NDRG1: variants seen among roughly 807,000 people sequenced by gnomAD.
The protein encoded by NDRG1 is N-myc downstream regulated 1, also known as protein NDRG1.
A neutral mutation model predicts 56.9 loss-of-function variants in NDRG1; 32 were observed. That is an observed-to-expected ratio of 0.56 (90% CI 0.42 to 0.76). The LOEUF is 0.76. Among genes scored for constraint, NDRG1 ranks in the 30% least tolerant of loss-of-function variants. NDRG1 has a pLI of 0.00. For missense variants in NDRG1, 507 were observed against 545.7 expected (o/e 0.93, Z 0.71); for synonymous variants, 211 against 204.1 (o/e 1.03, Z -0.29).
chr8:133,239,240 C>A, intron 15 of NDRG1, 121 bp from the exon 16 acceptor site: 1 of 1,457,862 alleles, frequency 6.9e-7, no homozygotes, highest in East Asian at 2.5e-5. Context: ...TTGATCCCTG[C>A]AGCCATCCAG....
intron 6 of NDRG1, among the ~76,000 whole-genome samples, 170 bp from the exon 7 acceptor site, chr8:133,258,596 C>T (rs907160019): frequency 7.2e-5 from 11 of 152,218 alleles, no homozygotes; most frequent in Admixed American, 2.0e-4. Context: ...TGGACAGAGA[C>T]CTCGACCTTG....
At chr8:133,250,597 G>A (rs1855962992) in intron 9 of NDRG1, 54 bp from the exon 10 acceptor site, 1 of 1,384,592 alleles carries the variant, frequency 7.2e-7, no homozygotes, top group Non-Finnish European at 1.0e-6. Flanking sequence ...CCCTGAGCTG[G>A]TCACTACTCT....
intron 1 of NDRG1, among the ~76,000 whole-genome samples, chr8:133,286,433 G>GA (rs1473982444): frequency 1.3e-5 from 2 of 152,222 alleles, no homozygotes; most frequent in African/African-American, 4.8e-5. Context: ...CTCCAGAACA[G>GA]AAAAGACAGA....
intron 2 of NDRG1, chr8:133,281,035 C>T (rs1197531295): frequency 6.6e-6 from 1 of 152,148 alleles, no homozygotes; most frequent in African/African-American, 2.4e-5. Flanking sequence ...GCAGTGGAGA[C>T]CTCTAAGCAT....
chr8:133,293,616 T>C (rs1239685036), intron 1 of NDRG1, among the ~76,000 whole-genome samples: 1 of 152,194 alleles, frequency 6.6e-6, no homozygotes, highest in African/African-American at 2.4e-5. Context: ...CCTGGCACTG[T>C]GGACACAGGG....
chr8:133,267,732 C>T lies in NDRG1; in HGVS notation c.100-3080G>A, dbSNP rs186252858. The stretch of plus-strand genomic sequence containing the variant: ...AGGGCAGGCGGTGTCCCCACCGCCA[C>T]GGACATCGGAGTTCAAATCCAAGTC... On this transcript the variant is annotated intron_variant, in intron 3 of 15. Transcript: ENST00000323851. 9.0e-3 allele frequency among the ~76,000 whole-genome samples: 1,368 copies of T among 152,280 alleles called. 18 individuals are homozygous for T. The highest frequency in any genetic ancestry group is 0.031 in the African/African-American group (1,284 of 41,558).
At chr8:133,246,899 T>A (rs1390527050) in intron 12 of NDRG1, among the ~76,000 whole-genome samples, 1 of 152,224 alleles carries the variant, frequency 6.6e-6, no homozygotes, top group East Asian at 1.9e-4. Flanking sequence ...AGTTTCCTCA[T>A]CAATAAAATG....
intron 5 of NDRG1, among the ~76,000 whole-genome samples, chr8:133,261,370 G>GTCTCAAAC (rs2130734112): frequency 6.6e-6 from 1 of 152,184 alleles, no homozygotes; most frequent in South Asian, 2.1e-4. Flanking sequence ...AACCTCGGTG[G>GTCTCAAAC]TCCGCCCACC....
intron 2 of NDRG1, 99 bp from the exon 3 acceptor site, chr8:133,280,366 T>C (rs1360508808): frequency 2.7e-6 from 3 of 1,105,222 alleles, no homozygotes; most frequent in Non-Finnish European, 4.1e-6. Context: ...AATCTGTACC[T>C]ACACTTCCTC....
chr8:133,286,355 C>G (rs1858113138), intron 1 of NDRG1, among the ~76,000 whole-genome samples: 1 of 152,218 alleles, frequency 6.6e-6, no homozygotes, highest in Admixed American at 6.5e-5. Context: ...GGTCAGTTCT[C>G]TTTGGCTTCC....
At chr8:133,257,282 T>C (rs925628988) in intron 7 of NDRG1, among the ~76,000 whole-genome samples, 2 of 146,822 alleles carry the variant, frequency 1.4e-5, no homozygotes, top group African/African-American at 2.5e-5. Flanking sequence ...AACACATGCA[T>C]ACACACACAC....
At chr8:133,268,868 C>CACACAT (rs1857048280) in intron 3 of NDRG1, among the ~76,000 whole-genome samples, 1 of 107,342 alleles carries the variant, frequency 9.3e-6, no homozygotes, top group African/African-American at 5.3e-5. Context: ...CTAAGTCACA[C>CACACAT]ACACACACAC....
At chr8:133,263,233 A>G (rs1856746483) in intron 4 of NDRG1, among the ~76,000 whole-genome samples, 1 of 152,246 alleles carries the variant, frequency 6.6e-6, no homozygotes, top group Admixed American at 6.5e-5. Flanking sequence ...GTGAGATAAA[A>G]GAAGGTGAGA....
At chr8:133,240,905 C>CCGT (rs1410268183) in intron 15 of NDRG1, 2 of 152,196 alleles carry the variant, frequency 1.3e-5, no homozygotes, top group African/African-American at 4.8e-5. Context: ...CCTGCAACTT[C>CCGT]CGTCGGGGAA....
chr8:133,292,769 T>A (rs1259594616), intron 1 of NDRG1, among the ~76,000 whole-genome samples: 1 of 152,062 alleles, frequency 6.6e-6, no homozygotes, highest in Non-Finnish European at 1.5e-5. Flanking sequence ...TATGCAGATT[T>A]AAAATGTATA....
At chr8:133,253,566 G>C (rs1485322198) in intron 9 of NDRG1, among the ~76,000 whole-genome samples, 1 of 152,210 alleles carries the variant, frequency 6.6e-6, no homozygotes, top group African/African-American at 2.4e-5. Flanking sequence ...TAACTCCACG[G>C]ACATGTTTGC....
At chr8:133,255,395 G>A (rs934006216) in intron 8 of NDRG1, 25 of 456,286 alleles carry the variant, frequency 5.5e-5, no homozygotes, top group East Asian at 2.8e-4. Context: ...CCTGGTAATC[G>A]AAAGGCTGGA....
chr8:133,253,781 C>T (rs1856206961), intron 9 of NDRG1, among the ~76,000 whole-genome samples: 1 of 152,186 alleles, frequency 6.6e-6, no homozygotes, highest in South Asian at 2.1e-4. Flanking sequence ...TCACTGTAGC[C>T]TCAAACTCCT....
At chr8:133,266,418 G>C (rs150142346) in intron 3 of NDRG1, among the ~76,000 whole-genome samples, 1 of 152,216 alleles carries the variant, frequency 6.6e-6, no homozygotes, top group African/African-American at 2.4e-5. Context: ...GAAGGTCAGC[G>C]TTCACAAACT....
Sources: gnomAD v4.1 joint callset for allele counts (sites outside exome capture counted in the v4.1 genomes callset) on GRCh38, gnomAD v4.1.1 for gene constraint, MANE v1.5 for transcripts, NCBI Gene and HGNC (gene_info 2026-07-23, HGNC 2026-07-21) for gene names.